Variants in CSMD1 observed in about 807,000 individuals in gnomAD.
CSMD1 encodes the protein CUB and sushi domain-containing protein 1.
A neutral mutation model predicts 417.5 loss-of-function variants in CSMD1; 213 were observed. That is an observed-to-expected ratio of 0.51 (90% CI 0.46 to 0.57). The LOEUF (loss-of-function observed/expected upper bound fraction) is 0.57. CSMD1 is among the 20% of genes least tolerant of loss of function. The pLI is 0.00. For synonymous variants in CSMD1, 2,862 were observed against 1,736.8 expected, an observed-to-expected ratio of 1.65 and a Z score of -16.11; for missense variants, 6,923 against 4,529.7, an observed-to-expected ratio of 1.53 and a Z score of -15.17.
intron 4 of CSMD1, among the ~76,000 whole-genome samples, chr8:4,008,465 A>G (rs185883911): frequency 2.0e-5 from 3 of 151,958 alleles, no homozygotes; most frequent in Admixed American, 1.3e-4. Context: ...AATAAATGCT[A>G]TTTAAAATTT....
At chr8:2,984,092 G>T (rs533156865) in intron 54 of CSMD1, among the ~76,000 whole-genome samples, 1 of 152,182 alleles carries the variant, frequency 6.6e-6, no homozygotes, top group South Asian at 2.1e-4. Flanking sequence ...TTTTTAAATG[G>T]CTGTGAGTGA....
intron 1 of CSMD1, among the ~76,000 whole-genome samples, chr8:4,771,893 G>C (rs149800466): frequency 6.6e-6 from 1 of 152,130 alleles, no homozygotes; most frequent in African/African-American, 2.4e-5. Flanking sequence ...CATGAAGGGA[G>C]CCTCCAGAAT....
chr8:3,347,931 A>ATAT, intron 22 of CSMD1, 61 bp downstream of exon 22: 1 of 1,170,886 alleles, frequency 8.5e-7, no homozygotes, highest in Admixed American at 2.9e-5. Flanking sequence ...AAAAATAGAT[A>ATAT]GACAATGTAT....
rs1156540410 is a variant in CSMD1 at position 2,938,063 on chromosome 8, C to T, written c.*522G>A. The T allele has an allele frequency of 1.3e-5, 2 of 152,682 alleles. No individual in the cohort carries two copies. Among genetic ancestry groups the T allele is most frequent in the Admixed American group, 6.5e-5 (1 of 15,284 alleles). 9.5% of individuals were successfully genotyped at this position (152,682 alleles called of 1,614,324 possible). On this transcript the variant is annotated 3_prime_UTR_variant, in exon 70 of 70. Transcript: ENST00000635120. ...CAGGTCTCGGAAGGACAGAGTGAAG[C>T]ATTTGTAGGTGTGAGCCTCTATCAG...
At chr8:3,932,901 A>G (rs1225198237) in intron 5 of CSMD1, among the ~76,000 whole-genome samples, 1 of 150,418 alleles carries the variant, frequency 6.6e-6, no homozygotes. Flanking sequence ...TTCCAATAGC[A>G]ACACACTTCT....
At position 3,583,031 on chromosome 8, in the gene CSMD1, G is replaced by C. The variant is rs967664224; in HGVS notation, c.1222+3105C>G. Among the ~76,000 whole-genome samples, 3 of 152,238 alleles carry C rather than the reference G, an allele frequency of 2.0e-5. No individual in the cohort carries two copies. The East Asian group carries it at 5.8e-4, about 29-fold the overall frequency. ...TAATCAGTTGGGAAGTCTTCAAAGA[G>C]GGCTTAGAATTTCCCTTACAGAGCA... On this transcript the variant is annotated intron_variant, in intron 9 of 69. Transcript: ENST00000635120.
intron 8 of CSMD1, among the ~76,000 whole-genome samples, chr8:3,604,416 C>T (rs1178939277): frequency 6.6e-6 from 1 of 152,044 alleles, no homozygotes; most frequent in African/African-American, 2.4e-5. Context: ...CAGTATATAA[C>T]ACATCTCTTA....
At chr8:4,422,834 C>T (rs1425227918) in intron 2 of CSMD1, among the ~76,000 whole-genome samples, 2 of 151,980 alleles carry the variant, frequency 1.3e-5, no homozygotes, top group Non-Finnish European at 2.9e-5. Flanking sequence ...ACACGATGAT[C>T]AAATGGTGTT....
At chr8:4,897,990 T>C (rs774027242) in intron 1 of CSMD1, among the ~76,000 whole-genome samples, 24 of 152,098 alleles carry the variant, frequency 1.6e-4, no homozygotes, top group Non-Finnish European at 3.2e-4. Context: ...GGCTACTTTC[T>C]TTTAGCTCTG....
At chr8:4,636,036 C>G (rs891301996) in intron 2 of CSMD1, among the ~76,000 whole-genome samples, 11 of 151,566 alleles carry the variant, frequency 7.3e-5, no homozygotes, top group Non-Finnish European at 1.5e-5. Context: ...TATATTTAAC[C>G]TATTAGTTAT....
intron 23 of CSMD1, among the ~76,000 whole-genome samples, chr8:3,317,872 G>C (rs755485081): frequency 6.6e-6 from 1 of 152,090 alleles, no homozygotes; most frequent in Admixed American, 6.5e-5. Context: ...GTGCAGTGGC[G>C]CCATCTTGGC....
intron 23 of CSMD1, among the ~76,000 whole-genome samples, chr8:3,335,168 C>T (rs190649255): frequency 1.8e-3 from 268 of 152,306 alleles, no homozygotes; most frequent in African/African-American, 5.9e-3. Flanking sequence ...CTCTCCCTCC[C>T]TCTCATGTCA....
intron 10 of CSMD1, among the ~76,000 whole-genome samples, chr8:3,532,741 A>G (rs1000243825): frequency 1.3e-5 from 2 of 152,224 alleles, no homozygotes; most frequent in African/African-American, 4.8e-5. Context: ...TGTCATATCT[A>G]TTGATCAATA....
chr8:4,866,491 C>T (rs1802427473), intron 1 of CSMD1, among the ~76,000 whole-genome samples: 1 of 151,856 alleles, frequency 6.6e-6, no homozygotes. Flanking sequence ...TTAGCATCTA[C>T]TTTATGCTAG....
chr8:3,915,980 G>T (rs1212832302), intron 5 of CSMD1, among the ~76,000 whole-genome samples: 1 of 151,368 alleles, frequency 6.6e-6, no homozygotes, highest in African/African-American at 2.4e-5. Flanking sequence ...ATTTGAGTGA[G>T]ATTCATAAGA....
chr8:3,036,259 G>A (rs772476640), intron 50 of CSMD1, among the ~76,000 whole-genome samples: 5 of 152,114 alleles, frequency 3.3e-5, no homozygotes, highest in Non-Finnish European at 5.9e-5. Flanking sequence ...TTTAGACAAG[G>A]GAAGTGAGAT....
At chr8:3,102,133 G>C (rs1024611596) in intron 46 of CSMD1, among the ~76,000 whole-genome samples, 1 of 152,174 alleles carries the variant, frequency 6.6e-6, no homozygotes, top group African/African-American at 2.4e-5. Context: ...GAAGAAGACA[G>C]ACTAATAGCT....
rs1209643051 is a variant in CSMD1 at position 4,187,421 on chromosome 8, C to A, written c.416-155322G>T. 2.6e-5 allele frequency among the ~76,000 whole-genome samples: 4 copies of A among 152,010 alleles called. No homozygotes were observed. The South Asian group carries it at 8.3e-4, about 31-fold the overall frequency. ...CAGCACTTTGGGAGGCCAAGGCAGG[C>A]AGATCACCTGAGGTCAGGAAGAGAC... On this transcript the variant is annotated intron_variant, in intron 3 of 69. Transcript: ENST00000635120.
intron 2 of CSMD1, among the ~76,000 whole-genome samples, chr8:4,444,161 G>C (rs1273336278): frequency 1.3e-5 from 2 of 151,704 alleles, no homozygotes; most frequent in African/African-American, 2.4e-5. Context: ...GGCCAACATG[G>C]CAAAACCCTG....
Sources: gnomAD v4.1 joint callset for allele counts (sites outside exome capture counted in the v4.1 genomes callset) on GRCh38, gnomAD v4.1.1 for gene constraint, MANE v1.5 for transcripts, NCBI Gene and HGNC (gene_info 2026-07-23, HGNC 2026-07-21) for gene names.